ADK: variants seen among roughly 807,000 people sequenced by gnomAD.
ADK encodes the protein N6,N6-dimethyladenosine kinase.
Under a neutral mutation model 44.7 loss-of-function variants are expected in ADK, and 24 were observed. That is an observed-to-expected ratio of 0.54 (90% CI 0.39 to 0.76). ADK has a LOEUF of 0.76. Among genes scored for constraint, ADK ranks in the 30% least tolerant of loss-of-function variants. The probability of loss-of-function intolerance (pLI) is 0.00; values close to 1 mark genes in which losing one functional copy is unlikely to be tolerated. For synonymous variants in ADK, 128 were observed against 142.6 expected (o/e 0.90, Z 0.73); for missense variants, 321 against 425.1 (o/e 0.76, Z 2.15).
chr10:74,618,748 C>T (rs1391667907), intron 9 of ADK, among the ~76,000 whole-genome samples: 1 of 151,980 alleles, frequency 6.6e-6, no homozygotes, highest in Non-Finnish European at 1.5e-5. Flanking sequence ...TACTCTTATT[C>T]TGCTCTTTTA....
At chr10:74,583,099 G>GGACA (rs1326930365) in intron 7 of ADK, among the ~76,000 whole-genome samples, 9 of 152,152 alleles carry the variant, frequency 5.9e-5, no homozygotes, top group Non-Finnish European at 1.2e-4. Flanking sequence ...ATAACATAAA[G>GGACA]TAAAGGTAAC....
chr10:74,188,409 C>A (rs372015076), intron 1 of ADK, among the ~76,000 whole-genome samples: 1 of 121,566 alleles, frequency 8.2e-6, no homozygotes, highest in Non-Finnish European at 1.6e-5. Context: ...AGTGCAGTGG[C>A]GCGATCTTGG....
At chr10:74,308,019 AT>A in intron 3 of ADK, among the ~76,000 whole-genome samples, 1 of 152,348 alleles carries the variant, frequency 6.6e-6, no homozygotes, top group Non-Finnish European at 1.5e-5. Context: ...AAAATCATAA[AT>A]TGGTTTAGTG....
chr10:74,583,665 A>T (rs1029985161), intron 7 of ADK, among the ~76,000 whole-genome samples: 1 of 152,178 alleles, frequency 6.6e-6, no homozygotes, highest in East Asian at 1.9e-4. Flanking sequence ...GATTACAGGC[A>T]TGAGCCACTG....
At chr10:74,444,673 G>T (rs1845535666) in intron 6 of ADK, among the ~76,000 whole-genome samples, 1 of 152,032 alleles carries the variant, frequency 6.6e-6, no homozygotes, top group Admixed American at 6.6e-5. Flanking sequence ...GGAAAAGAGG[G>T]TTTGATCTTT....
chr10:74,373,020 T>G (rs897821069), intron 4 of ADK, among the ~76,000 whole-genome samples: 10 of 152,034 alleles, frequency 6.6e-5, no homozygotes, highest in African/African-American at 1.4e-4. Flanking sequence ...AGAACAGAAA[T>G]AAGTCTTCAC....
At chr10:74,574,147 T>C (rs1851085370) in intron 7 of ADK, among the ~76,000 whole-genome samples, 1 of 151,566 alleles carries the variant, frequency 6.6e-6, no homozygotes, top group African/African-American at 2.4e-5. Flanking sequence ...TTGGCCATCT[T>C]GGCTCCGCTA....
At chr10:74,419,939 C>T (rs1844501165) in intron 6 of ADK, among the ~76,000 whole-genome samples, 1 of 152,162 alleles carries the variant, frequency 6.6e-6, no homozygotes, top group Admixed American at 6.5e-5. Flanking sequence ...TTTAAATCTA[C>T]TTCTATCCCC....
At chr10:74,266,508 A>T (rs888157427) in intron 3 of ADK, among the ~76,000 whole-genome samples, 1 of 152,138 alleles carries the variant, frequency 6.6e-6, no homozygotes, top group Non-Finnish European at 1.5e-5. Flanking sequence ...GTGATCGGAG[A>T]TCGCGCCACT....
chr10:74,541,418 G>T (rs1483688971), intron 7 of ADK, among the ~76,000 whole-genome samples: 1 of 152,022 alleles, frequency 6.6e-6, no homozygotes, highest in Non-Finnish European at 1.5e-5. Flanking sequence ...ATCCAGTCCA[G>T]GTTGCTCACA....
In ADK at chr10:74,582,307, T is replaced by A. The variant is rs530770611; in HGVS notation, c.727-6975T>A. 2.0e-5 allele frequency among the ~76,000 whole-genome samples: 3 copies of A among 149,872 alleles called. No homozygotes were observed. In the East Asian group the frequency reaches 5.8e-4, roughly 29 times the overall value. The stretch of plus-strand genomic sequence containing the variant: ...TCCTGGGCAACAGAGTGAGACCCAA[T>A]CTCAAAAAAAAAATAAAAAATAAAA... On this transcript the variant is annotated intron_variant, in intron 7 of 10. Transcript: ENST00000539909.
At chr10:74,548,961 G>T (rs1450990432) in intron 7 of ADK, among the ~76,000 whole-genome samples, 1 of 152,180 alleles carries the variant, frequency 6.6e-6, no homozygotes, top group African/African-American at 2.4e-5. Flanking sequence ...ATTTTATAAT[G>T]ATTCATTAAG....
intron 9 of ADK, among the ~76,000 whole-genome samples, chr10:74,619,169 G>A (rs1417677690): frequency 6.6e-6 from 1 of 151,946 alleles, no homozygotes; most frequent in East Asian, 1.9e-4. Flanking sequence ...AAAACATCCA[G>A]TGAGGCTGGG....
intron 9 of ADK, among the ~76,000 whole-genome samples, chr10:74,614,979 C>A (rs147253896): frequency 7.9e-4 from 121 of 152,248 alleles, no homozygotes; most frequent in African/African-American, 2.5e-3. Context: ...TGAAGTCATA[C>A]TGATAAATTT....
chr10:74,501,071 T>A (rs1028054334), intron 6 of ADK, among the ~76,000 whole-genome samples: 3 of 152,202 alleles, frequency 2.0e-5, no homozygotes, highest in African/African-American at 7.2e-5. Context: ...TTTCCACTTA[T>A]AAAGTGATAC....
intron 9 of ADK, among the ~76,000 whole-genome samples, chr10:74,653,073 G>C (rs1413367422): frequency 1.3e-5 from 2 of 152,158 alleles, no homozygotes; most frequent in East Asian, 3.8e-4. Flanking sequence ...ATCTTTCCCA[G>C]AGCTGTGTCT....
At chr10:74,404,820 C>T (rs1243193660) in intron 6 of ADK, among the ~76,000 whole-genome samples, 2 of 152,104 alleles carry the variant, frequency 1.3e-5, no homozygotes, top group Non-Finnish European at 2.9e-5. Flanking sequence ...GAGACCCCAT[C>T]CTTACAAAAA....
chr10:74,401,875 G>A (rs1408553442), intron 6 of ADK, among the ~76,000 whole-genome samples: 1 of 152,132 alleles, frequency 6.6e-6, no homozygotes, highest in African/African-American at 2.4e-5. Context: ...GCAGTGGCTG[G>A]TACCCGTTGT....
intron 9 of ADK, among the ~76,000 whole-genome samples, chr10:74,634,045 C>T (rs556431729): frequency 6.6e-6 from 1 of 152,248 alleles, no homozygotes; most frequent in East Asian, 1.9e-4. Flanking sequence ...AGCAGCCCAG[C>T]TAAGGCTAAA....
Sources: allele counts gnomAD v4.1 joint callset (sites outside exome capture counted in the v4.1 genomes callset), GRCh38; gene constraint gnomAD v4.1.1; transcripts MANE v1.5; gene names NCBI Gene and HGNC (gene_info 2026-07-23, HGNC 2026-07-21).